SLC2A13: variants seen among roughly 807,000 people sequenced by gnomAD.
SLC2A13 encodes the protein proton myo-inositol cotransporter.
A neutral mutation model predicts 64.4 loss-of-function variants in SLC2A13; 32 were observed. That is an observed-to-expected ratio of 0.50 (90% CI 0.37 to 0.67). The LOEUF is 0.67. Ranked by LOEUF, SLC2A13 falls within the 30% of genes least tolerant of loss-of-function variation. The pLI, the probability that SLC2A13 is intolerant of heterozygous loss-of-function variation, is 0.00. For missense variants in SLC2A13, 743 were observed against 829.2 expected, an observed-to-expected ratio of 0.90 and a Z score of 1.28; for synonymous variants, 338 against 327.1, an observed-to-expected ratio of 1.03 and a Z score of -0.36.
intron 1 of SLC2A13, among the ~76,000 whole-genome samples, chr12:40,055,107 T>C (rs1054629285): frequency 6.6e-6 from 1 of 152,240 alleles, no homozygotes; most frequent in Non-Finnish European, 1.5e-5. Flanking sequence ...AACAGTCAAG[T>C]ATCTATGGTT....
intron 4 of SLC2A13, among the ~76,000 whole-genome samples, chr12:39,890,291 A>T (rs1944572011): frequency 6.6e-6 from 1 of 152,224 alleles, no homozygotes; most frequent in Admixed American, 6.5e-5. Flanking sequence ...TTAGAGCATC[A>T]TTATTATTAA....
At chr12:39,780,289 TTCAACATAA>T (rs1940935290) in intron 7 of SLC2A13, among the ~76,000 whole-genome samples, 1 of 152,196 alleles carries the variant, frequency 6.6e-6, no homozygotes, top group African/African-American at 2.4e-5. Flanking sequence ...CTCTTTCTCC[TTCAACATAA>T]TCATCTTACC....
At position 39,758,959 on chromosome 12, in the gene SLC2A13, TAAAC is replaced by T. The variant is rs909367607; in HGVS notation, c.*1063_*1066del. On this transcript the variant is annotated 3_prime_UTR_variant, in exon 10 of 10. Coordinates refer to ENST00000280871, the MANE Select transcript of SLC2A13 (RefSeq NM_052885.4). ...AAGAAAAAAGTCCCATTATTTTTAT[TAAAC>T]AAACACCAATAACAGCAGGATTATT... 2 of 152,352 alleles carry T rather than the reference TAAAC, an allele frequency of 1.3e-5. No individual in the cohort carries two copies. Among genetic ancestry groups the T allele is most frequent in the African/African-American group, 2.4e-5 (1 of 41,428 alleles). The allele number at this position is 152,352 out of a possible 1,614,324, so 9.4% of individuals were successfully genotyped here.
At chr12:39,798,965 G>A (rs913996040) in intron 7 of SLC2A13, among the ~76,000 whole-genome samples, 14 of 151,054 alleles carry the variant, frequency 9.3e-5, no homozygotes, top group African/African-American at 3.4e-4. Context: ...ATAAATTAGA[G>A]TAACAAAACA....
chr12:39,874,353 C>T (rs1944127192), intron 4 of SLC2A13, among the ~76,000 whole-genome samples: 1 of 152,204 alleles, frequency 6.6e-6, no homozygotes, highest in South Asian at 2.1e-4. Context: ...GTGGCTCACA[C>T]CTGTAATCCC....
chr12:39,844,123 A>T (rs1943247228), intron 6 of SLC2A13, among the ~76,000 whole-genome samples: 1 of 152,098 alleles, frequency 6.6e-6, no homozygotes, highest in African/African-American at 2.4e-5. Flanking sequence ...ATAAACATTG[A>T]TGTGTCCCTA....
Position 40,105,844 on chromosome 12 carries a change from C to T in SLC2A13, c.-36G>A. ...CCCGGGGCTGCCCGGGGGGACGCGGCTCCGCGGGCCGGCAGTCTCGGCGAG... is the reference window on the plus strand; with the variant it reads ...CCCGGGGCTGCCCGGGGGGACGCGGTTCCGCGGGCCGGCAGTCTCGGCGAG... On this transcript the variant is annotated 5_prime_UTR_variant, in exon 1 of 10. Transcript: ENST00000280871. This position sits in a 1 kb window ranked among gnomAD's most constrained non-coding sequence, Gnocchi z 4.2. 2 of 1,358,806 alleles carry T rather than the reference C, an allele frequency of 1.5e-6. 1 individual carries two copies. The highest frequency in any genetic ancestry group is 5.3e-4 in the Middle Eastern group (2 of 3,754). The allele number at this position is 1,358,806 out of a possible 1,614,324, so 84.2% of individuals were successfully genotyped here.
intron 3 of SLC2A13, among the ~76,000 whole-genome samples, chr12:39,974,883 A>G (rs1440793902): frequency 1.3e-5 from 2 of 152,198 alleles, no homozygotes; most frequent in African/African-American, 2.4e-5. Flanking sequence ...TACAGGCAAA[A>G]TTCTTTTCTA....
At chr12:40,026,524 G>A (rs1048912931) in intron 3 of SLC2A13, among the ~76,000 whole-genome samples, 8 of 152,102 alleles carry the variant, frequency 5.3e-5, no homozygotes, top group Admixed American at 1.3e-4. Context: ...AGGATACACC[G>A]TCAACACTGC....
intron 3 of SLC2A13, among the ~76,000 whole-genome samples, chr12:40,022,969 A>G (rs1003329352): frequency 2.6e-5 from 4 of 152,164 alleles, no homozygotes; most frequent in African/African-American, 4.8e-5. Flanking sequence ...AACCCATGCT[A>G]TAAATAGATT....
intron 7 of SLC2A13, among the ~76,000 whole-genome samples, chr12:39,798,031 A>G (rs1217120133): frequency 6.6e-6 from 1 of 152,200 alleles, no homozygotes; most frequent in Admixed American, 6.5e-5. Flanking sequence ...TCAGAAGCTA[A>G]GATCAAAGAT....
At chr12:39,767,713 C>T (rs1035386779) in intron 7 of SLC2A13, among the ~76,000 whole-genome samples, 3 of 152,056 alleles carry the variant, frequency 2.0e-5, no homozygotes, top group African/African-American at 4.8e-5. Flanking sequence ...ATAGTCTCCA[C>T]GTTGTGGGAG....
chr12:40,089,669 T>G (rs532683374), intron 1 of SLC2A13, among the ~76,000 whole-genome samples: 2 of 152,252 alleles, frequency 1.3e-5, no homozygotes, highest in African/African-American at 2.4e-5. Context: ...CTGTAAGGAG[T>G]CTGTCTCACT....
chr12:40,024,526 A>G (rs1323107798), intron 3 of SLC2A13, among the ~76,000 whole-genome samples: 1 of 152,130 alleles, frequency 6.6e-6, no homozygotes, highest in Non-Finnish European at 1.5e-5. Context: ...TTTCCTAACC[A>G]TCCCATGTAA....
chr12:39,968,722 G>T (rs1946574681), intron 3 of SLC2A13, among the ~76,000 whole-genome samples: 1 of 96,042 alleles, frequency 1.0e-5, no homozygotes, highest in African/African-American at 3.6e-5. Context: ...TACTCTCTAA[G>T]CCTGCCCTTT....
chr12:39,807,829 G>T (rs1026014412), intron 7 of SLC2A13, among the ~76,000 whole-genome samples: 1 of 152,058 alleles, frequency 6.6e-6, no homozygotes, highest in Admixed American at 6.6e-5. Context: ...TTTAATAATC[G>T]TACCAGGAGA....
intron 1 of SLC2A13, among the ~76,000 whole-genome samples, chr12:40,081,252 G>A (rs567768945): frequency 1.3e-5 from 2 of 152,296 alleles, no homozygotes; most frequent in African/African-American, 2.4e-5. Flanking sequence ...GACCTTTCTA[G>A]TGAGGTTGGG....
chr12:39,869,177 G>A (rs1943980635), intron 5 of SLC2A13, among the ~76,000 whole-genome samples: 1 of 152,134 alleles, frequency 6.6e-6, no homozygotes, highest in Non-Finnish European at 1.5e-5. Context: ...AACTAACACA[G>A]AATCAGTATA....
chr12:39,988,667 G>GAGGGAGGGAAGA (rs1186624976), intron 3 of SLC2A13, among the ~76,000 whole-genome samples: 1 of 116,134 alleles, frequency 8.6e-6, no homozygotes, highest in Non-Finnish European at 1.8e-5. Flanking sequence ...AGGAGGGAGG[G>GAGGGAGGGAAGA]AGGGAGGGAA....
Sources: gnomAD v4.1 joint callset for allele counts (sites outside exome capture counted in the v4.1 genomes callset) on GRCh38, gnomAD v4.1.1 for gene constraint, Gnocchi (gnomAD v3.1) non-coding constraint, MANE v1.5 for transcripts, NCBI Gene and HGNC (gene_info 2026-07-23, HGNC 2026-07-21) for gene names.